Variants in POLR1A observed in about 807,000 individuals in gnomAD.
POLR1A encodes the protein DNA-directed RNA polymerase I subunit RPA1.
In POLR1A, 84 loss-of-function variants were observed where a neutral mutation model predicts 205.3. The observed-to-expected ratio is 0.41, with a 90% confidence interval of 0.34 to 0.49. The LOEUF is 0.49. POLR1A is among the 20% of genes least tolerant of loss of function. The pLI is 0.22. For missense variants in POLR1A, 1,645 were observed against 2,204.5 expected, an observed-to-expected ratio of 0.75 and a Z score of 5.08; for synonymous variants, 799 against 863.7, an observed-to-expected ratio of 0.93 and a Z score of 1.31.
chr2:86,080,833 T>C lies in POLR1A; in HGVS notation c.1069A>G (p.Thr357Ala), dbSNP rs771194785. 6.2e-7 allele frequency: 1 copy of C among 1,612,730 alleles called. No homozygotes were observed. The change falls in exon 9 of 34, where the codon ACA becomes GCA. Residue 357 changes from threonine to alanine, a missense_variant. By Grantham distance (58) the Thr-to-Ala change is moderately conservative. Transcript: ENST00000263857. The part of the protein sequence containing the change: ...QEQKLPEEVA[T>A]PTTDEEKDSL... ...GCCCTGACCTCATCTGTAGTGGGTG[T>C]GGCCACTTCCTCTGGCAACTTCTGT...
intron 14 of POLR1A, among the ~76,000 whole-genome samples, chr2:86,056,040 C>A (rs1337162489): frequency 6.6e-6 from 1 of 152,110 alleles, no homozygotes; most frequent in Non-Finnish European, 1.5e-5. Flanking sequence ...TAAGTGCCAA[C>A]AAAACAAATT....
chr2:86,079,142 T>C (rs1328551346), intron 9 of POLR1A, among the ~76,000 whole-genome samples: 1 of 152,138 alleles, frequency 6.6e-6, no homozygotes, highest in Non-Finnish European at 1.5e-5. Flanking sequence ...GAAAACCCAG[T>C]AGTGATGAAG....
At position 86,073,213 on chromosome 2, in the gene POLR1A, TAA is replaced by T. The variant is rs10712423; in HGVS notation, c.1611+1815_1611+1816del. On this transcript the variant is annotated intron_variant, in intron 12 of 33. Coordinates refer to ENST00000263857, the MANE Select transcript of POLR1A (RefSeq NM_015425.6). ...GACCTTGTCTCAAAAAAAAATAAAA[TAA>T]AAAAAAAAAAAATGACAGGTTTTGG... 9.7e-4 allele frequency among the ~76,000 whole-genome samples: 142 copies of T among 146,794 alleles called. 1 individual carries two copies. Among genetic ancestry groups the T allele is most frequent in the African/African-American group, 2.0e-3 (81 of 40,130 alleles).
rs750377209 is a variant in POLR1A at position 86,075,264 on chromosome 2, G to A, written c.1381-4C>T. 4 of 1,587,304 alleles carry A rather than the reference G, an allele frequency of 2.5e-6. No individual in the cohort carries two copies. The East Asian group carries it at 9.0e-5, about 36-fold the overall frequency. On this transcript the variant is annotated splice_polypyrimidine_tract_variant and splice_region_variant and intron_variant, in intron 11 of 33. Coordinates refer to ENST00000263857, the MANE Select transcript of POLR1A (RefSeq NM_015425.6). ...AGGTCAGTTTTGTGGCAAACACCTGGAAATGAGGAATGGAGGTAGAAATTC... is the reference window on the plus strand; with the variant it reads ...AGGTCAGTTTTGTGGCAAACACCTGAAAATGAGGAATGGAGGTAGAAATTC...
intron 26 of POLR1A, 124 bp from the exon 27 acceptor site, chr2:86,038,981 A>G: frequency 2.3e-6 from 2 of 859,686 alleles, no homozygotes; most frequent in South Asian, 3.2e-5. Context: ...CAAACCCCAA[A>G]GAAACCCTGG....
intron 1 of POLR1A, among the ~76,000 whole-genome samples, chr2:86,105,472 A>G (rs1673908037): frequency 6.6e-6 from 1 of 151,990 alleles, no homozygotes; most frequent in Non-Finnish European, 1.5e-5. Context: ...CCCCACCCTT[A>G]TATTCCCCTA....
At position 86,038,840 on chromosome 2, in the gene POLR1A, G is replaced by C. The variant is rs767522252; in HGVS notation, c.3894C>G (p.Asp1298Glu). The change falls in exon 27 of 34, where the codon GAC (aspartate) becomes GAG (glutamate). Residue 1298 changes from aspartate to glutamate, a missense_variant. By Grantham distance (45) the Asp-to-Glu change is conservative (BLOSUM62 2). This residue lies in a region of POLR1A where 394 missense variants were observed against 468.5 expected (regional missense o/e 0.84). Coordinates refer to ENST00000263857, the MANE Select transcript of POLR1A (RefSeq NM_015425.6). Reference sequence around the variant, plus strand: ...CTTCCATACAGAAGGACTCCTGGACGTCAATTTTCTGCAACACCTGGAACC... The same window carrying C: ...CTTCCATACAGAAGGACTCCTGGACCTCAATTTTCTGCAACACCTGGAACC... ...VCLGEVLQKI[D>E]VQESFCMEEK... 2 of 1,614,098 alleles carry C rather than the reference G, an allele frequency of 1.2e-6. No homozygotes were observed. Among genetic ancestry groups the C allele is most frequent in the Non-Finnish European group, 1.7e-6 (2 of 1,179,982 alleles).
At chr2:86,061,478 A>C (rs898619353) in intron 14 of POLR1A, among the ~76,000 whole-genome samples, 9 of 152,202 alleles carry the variant, frequency 5.9e-5, no homozygotes, top group African/African-American at 2.2e-4. Context: ...CTATCTATTA[A>C]AGTTAAACAC....
At chr2:86,091,097 T>C (rs1412729883) in intron 3 of POLR1A, among the ~76,000 whole-genome samples, 1 of 152,150 alleles carries the variant, frequency 6.6e-6, no homozygotes, top group Non-Finnish European at 1.5e-5. Context: ...TCTCAGGAAC[T>C]ACCAGCCCTT....
chr2:86,033,560 C>A, intron 28 of POLR1A, 101 bp downstream of exon 28: 10 of 1,329,970 alleles, frequency 7.5e-6, no homozygotes, highest in Non-Finnish European at 1.0e-5. Flanking sequence ...GATGGGCCAG[C>A]ACCAGGATGG....
intron 18 of POLR1A, 44 bp downstream of exon 18, chr2:86,048,831 TAAAAATCAG>T: frequency 6.5e-7 from 1 of 1,532,374 alleles, no homozygotes. Flanking sequence ...GTAATTTTTT[TAAAAATCAG>T]CATTCATAGT....
intron 25 of POLR1A, 86 bp downstream of exon 25, chr2:86,040,306 C>T: frequency 1.9e-6 from 2 of 1,073,566 alleles, no homozygotes; most frequent in South Asian, 1.9e-5. Context: ...CATTCACACA[C>T]ACTCACTCAC....
intron 16 of POLR1A, among the ~76,000 whole-genome samples, chr2:86,050,865 C>T (rs1344060176): frequency 1.3e-5 from 2 of 152,206 alleles, no homozygotes; most frequent in East Asian, 1.9e-4. Flanking sequence ...TGGTTCCCAA[C>T]TGGAAGTGGG....
intron 14 of POLR1A, among the ~76,000 whole-genome samples, chr2:86,057,588 G>A (rs1672918188): frequency 1.3e-5 from 2 of 152,110 alleles, no homozygotes; most frequent in African/African-American, 4.8e-5. Context: ...ACTGACAAAT[G>A]GATACAGAGG....
chr2:86,027,902 T>A lies in POLR1A; in HGVS notation c.5045A>T (p.Lys1682Met). 6.2e-7 allele frequency: 1 copy of A among 1,614,208 alleles called. No individual in the cohort carries two copies. Among genetic ancestry groups the A allele is most frequent in the Non-Finnish European group, 8.5e-7 (1 of 1,180,034 alleles). ...GCACTAACCCAGCATGGTGGCTTGC[T>A]TCAGAAACTGGAAGCTGGTTTCAAA... is the stretch of plus-strand genomic sequence containing the variant. Reference protein sequence around the residue: ...MTFETSFQFLKQATMLGSHDE... With the variant: ...MTFETSFQFLMQATMLGSHDE... The change falls in exon 33 of 34, where the codon AAG (lysine) becomes ATG (methionine). Residue 1682 changes from lysine to methionine, a missense_variant. By Grantham distance (95) the Lys-to-Met change is moderately conservative (BLOSUM62 -1). Transcript: ENST00000263857.
At chr2:86,068,861 C>T (rs182618980) in intron 13 of POLR1A, among the ~76,000 whole-genome samples, 10 of 152,278 alleles carry the variant, frequency 6.6e-5, no homozygotes, top group African/African-American at 2.2e-4. Context: ...TCGTGGCAGA[C>T]GGCTGATGGG....
Position 86,078,207 on chromosome 2 carries a change from G to A in POLR1A, c.1164C>T (p.Tyr388=). 1 of 1,612,928 alleles carries A rather than the reference G, an allele frequency of 6.2e-7. No individual in the cohort carries two copies. Among genetic ancestry groups the A allele is most frequent in the Non-Finnish European group, 8.5e-7 (1 of 1,179,762 alleles). The part of the protein sequence containing the change: ...LPGQSLIDKL[Y]NIWIRLQSHV... ...GGCTCTGAAGGCGAATCCAAATGTT[G>A]TAAAGTTTGTCTATGAGGGACTGGC... Residue 388 remains tyrosine, a synonymous_variant, in exon 10 of 34, where the codon TAC becomes TAT. Coordinates refer to ENST00000263857, the MANE Select transcript of POLR1A (RefSeq NM_015425.6).
chr2:86,052,776 C>T (rs752004437), intron 16 of POLR1A, 41 bp downstream of exon 16: 2 of 1,459,018 alleles, frequency 1.4e-6, no homozygotes, highest in East Asian at 2.6e-5. Context: ...GGCGGCTGCG[C>T]TGACGGGTCA....
Position 86,054,166 on chromosome 2 carries a change from T to G in POLR1A, c.2182A>C (p.Asn728His). The change falls in exon 15 of 34, where the codon AAC becomes CAC. Residue 728 changes from asparagine to histidine, a missense_variant. By Grantham distance (68) the Asn-to-His change is moderately conservative (BLOSUM62 1). Coordinates refer to ENST00000263857, the MANE Select transcript of POLR1A (RefSeq NM_015425.6). ...TGGGACTCGCACATCGAGTCAGGGT[T>G]AAAGCCAGGAACGGATCGAGGAGTT... The part of the protein sequence containing the change: ...KETPRSVPGF[N>H]PDSMCESQVI... The G allele has an allele frequency of 6.2e-7, 1 of 1,614,028 alleles. No individual in the cohort carries two copies. The highest frequency in any genetic ancestry group is 1.1e-5 in the South Asian group (1 of 91,076).
Sources: allele counts gnomAD v4.1 joint callset (sites outside exome capture counted in the v4.1 genomes callset), GRCh38; gene constraint gnomAD v4.1.1; regional missense constraint gnomAD v4.1.1; transcripts MANE v1.5; gene names NCBI Gene and HGNC (gene_info 2026-07-23, HGNC 2026-07-21).